TENM4: variants seen among roughly 807,000 people sequenced by gnomAD.
TENM4 encodes teneurin transmembrane protein 4, also known as teneurin-4.
A neutral mutation model predicts 243.3 loss-of-function variants in TENM4; 82 were observed. The ratio of observed to expected loss-of-function variants is 0.34; its 90% CI spans 0.28 to 0.40. The LOEUF (loss-of-function observed/expected upper bound fraction) is 0.40, where lower values mean the gene tolerates loss of function less well. Among genes scored for constraint, TENM4 ranks in the 10% least tolerant of loss-of-function variants. The pLI is 1.00. For synonymous variants in TENM4, 1,412 were observed against 1,456.3 expected (o/e 0.97, Z 0.69); for missense variants, 3,138 against 3,673.3 (o/e 0.85, Z 3.77).
chr11:78,698,522 G>T (rs1021095309), intron 28 of TENM4, among the ~76,000 whole-genome samples: 2 of 151,832 alleles, frequency 1.3e-5, no homozygotes, highest in African/African-American at 2.4e-5. Context: ...AGAACATTTC[G>T]GTTATAATCT....
intron 1 of TENM4, among the ~76,000 whole-genome samples, chr11:79,326,560 T>C (rs570045435): frequency 6.6e-6 from 1 of 152,350 alleles, no homozygotes; most frequent in Non-Finnish European, 1.5e-5. Flanking sequence ...TGTCACTTTC[T>C]TGTATCCTTC....
intron 27 of TENM4, among the ~76,000 whole-genome samples, chr11:78,706,180 A>T (rs1312514502): frequency 6.6e-6 from 1 of 152,016 alleles, no homozygotes; most frequent in East Asian, 1.9e-4. Flanking sequence ...CTTATTCTGT[A>T]CCCCCATTTC....
At chr11:79,309,391 G>C (rs1277647373) in intron 1 of TENM4, among the ~76,000 whole-genome samples, 4 of 152,136 alleles carry the variant, frequency 2.6e-5, no homozygotes, top group Non-Finnish European at 5.9e-5. Context: ...AGGTCAGATG[G>C]GGCCCATACA....
chr11:79,160,829 T>G (rs527982501), intron 3 of TENM4, among the ~76,000 whole-genome samples: 5 of 152,310 alleles, frequency 3.3e-5, no homozygotes, highest in Non-Finnish European at 5.9e-5. Context: ...CCTTTGAGTT[T>G]TAGCTGGTTC....
At chr11:79,386,650 C>T (rs914635025) in intron 1 of TENM4, among the ~76,000 whole-genome samples, 6 of 152,042 alleles carry the variant, frequency 3.9e-5, no homozygotes, top group Admixed American at 2.6e-4. Context: ...TGAAAAGGTG[C>T]CCTATTTCAG....
intron 1 of TENM4, among the ~76,000 whole-genome samples, chr11:79,411,659 C>T (rs1858704080): frequency 1.3e-5 from 2 of 152,124 alleles, no homozygotes; most frequent in African/African-American, 4.8e-5. Flanking sequence ...GAAAGAGGGA[C>T]ATCCAACAGA....
rs565570526 is a variant in TENM4, at chr11:78,738,788, G to A, written c.2757-218C>T. On this transcript the variant is annotated intron_variant, in intron 19 of 33. Coordinates refer to ENST00000278550, the MANE Select transcript of TENM4 (RefSeq NM_001098816.3). Reference sequence around the variant, plus strand: ...GTCCTTGAGAGAATTACTATTGGCAGGTGATTCAATGATCTCACTCGGAGG... The same window carrying A: ...GTCCTTGAGAGAATTACTATTGGCAAGTGATTCAATGATCTCACTCGGAGG... 5.3e-5 allele frequency among the ~76,000 whole-genome samples: 8 copies of A among 152,310 alleles called. No homozygotes were observed. The South Asian group carries it at 1.7e-3, about 32-fold the overall frequency.
rs200318543 is a variant in TENM4, at chr11:78,676,378, C to T, written c.5270G>A (p.Arg1757Gln). 445 of 1,594,892 alleles carry T rather than the reference C, an allele frequency of 2.8e-4. 1 individual carries two copies. The highest frequency in any genetic ancestry group is 1.7e-3 in the African/African-American group (129 of 74,722). Residue 1757 changes from arginine to glutamine, a missense_variant, in exon 30 of 34, where the codon CGG (arginine) becomes CAG (glutamine). This residue lies in a region of TENM4 where 2,467 missense variants were observed against 3,059.1 expected (regional missense o/e 0.81). Coordinates refer to ENST00000278550, the MANE Select transcript of TENM4 (RefSeq NM_001098816.3). ...AFYTLLQDQVRNSYYIGADGS... is the reference protein window; with the variant it reads ...AFYTLLQDQVQNSYYIGADGS... ...ATCGGCCCCGATGTAGTAGCTGTTC[C>T]GGACTTGGTCTGCAGGAGAGGACAA...
At chr11:78,974,392 A>T (rs546296356) in intron 6 of TENM4, among the ~76,000 whole-genome samples, 4 of 152,338 alleles carry the variant, frequency 2.6e-5, no homozygotes, top group African/African-American at 9.6e-5. Context: ...AAAGAAACTG[A>T]GGCTAGGAGA....
chr11:78,923,294 G>A (rs1003060701), intron 6 of TENM4, among the ~76,000 whole-genome samples: 7 of 152,078 alleles, frequency 4.6e-5, no homozygotes, highest in Non-Finnish European at 1.0e-4. Context: ...CATAAAAGAC[G>A]TAGCCTGTCC....
At chr11:79,320,440 G>A (rs995983420) in intron 1 of TENM4, among the ~76,000 whole-genome samples, 6 of 152,146 alleles carry the variant, frequency 3.9e-5, no homozygotes, top group South Asian at 4.1e-4. Flanking sequence ...AAATAATGAC[G>A]TTGTAAATTT....
chr11:78,948,667 G>A (rs1035713084), intron 6 of TENM4, among the ~76,000 whole-genome samples: 3 of 152,044 alleles, frequency 2.0e-5, no homozygotes, highest in African/African-American at 7.2e-5. Context: ...CACTGCGCCC[G>A]GCCCCCAACT....
intron 1 of TENM4, among the ~76,000 whole-genome samples, chr11:79,407,838 C>T (rs1332249590): frequency 1.3e-5 from 2 of 152,122 alleles, no homozygotes; most frequent in East Asian, 3.8e-4. Flanking sequence ...TGCTGGGCCT[C>T]ATCCCCAGGG....
In TENM4 at chr11:79,404,512, T is replaced by C. The variant is rs1007923353; in HGVS notation, c.-321+35997A>G. Among the ~76,000 whole-genome samples the C allele has an allele frequency of 7.9e-5, 12 of 152,324 alleles. 1 individual carries two copies. Among genetic ancestry groups the C allele is most frequent in the Admixed American group, 3.9e-4 (6 of 15,306 alleles). ...AGTTTCCTTTTGCTGTGATGCAATG[T>C]CTTGGACCTACATAGAGGCGATGGT... On this transcript the variant is annotated intron_variant, in intron 1 of 33. Coordinates refer to ENST00000278550, the MANE Select transcript of TENM4 (RefSeq NM_001098816.3).
At chr11:78,718,448 T>C (rs545331716) in intron 25 of TENM4, among the ~76,000 whole-genome samples, 2 of 152,284 alleles carry the variant, frequency 1.3e-5, no homozygotes, top group South Asian at 4.1e-4. Flanking sequence ...AGTTTATACA[T>C]GAGACTGGAA....
chr11:79,107,784 AC>A (rs1281870279), intron 4 of TENM4, among the ~76,000 whole-genome samples: 1 of 152,180 alleles, frequency 6.6e-6, no homozygotes, highest in Admixed American at 6.5e-5. Context: ...GCATTTTCAC[AC>A]GTTATTGCAT....
chr11:78,797,321 A>T (rs544053806), intron 15 of TENM4, among the ~76,000 whole-genome samples: 77 of 152,354 alleles, frequency 5.1e-4, no homozygotes, highest in African/African-American at 1.7e-3. Flanking sequence ...TGTAAAATAT[A>T]AAATTTCCAT....
chr11:78,896,880 G>A (rs910957598), intron 7 of TENM4, among the ~76,000 whole-genome samples: 2 of 152,116 alleles, frequency 1.3e-5, no homozygotes, highest in Non-Finnish European at 2.9e-5. Context: ...CTAATATGGG[G>A]ATGAGAATAT....
chr11:78,673,072 A>G (rs1858374953), intron 30 of TENM4, among the ~76,000 whole-genome samples: 2 of 149,546 alleles, frequency 1.3e-5, no homozygotes, highest in South Asian at 4.1e-4. Flanking sequence ...CCTGGCTTTG[A>G]GGCACTTTGC....
Sources: gnomAD v4.1 joint callset for allele counts (sites outside exome capture counted in the v4.1 genomes callset) on GRCh38, gnomAD v4.1.1 for gene constraint, gnomAD v4.1.1 regional missense constraint, MANE v1.5 for transcripts, NCBI Gene and HGNC (gene_info 2026-07-23, HGNC 2026-07-21) for gene names.